The following FMN1 variants were observed in gnomAD, a reference collection of about 807,000 sequenced individuals.
FMN1 encodes the protein formin 1, also known as formin-1.
In FMN1, 110 loss-of-function variants were observed where a neutral mutation model predicts 132.4. That is an observed-to-expected ratio of 0.83 (90% CI 0.71 to 0.97). The LOEUF is 0.97. Among genes scored for constraint, FMN1 ranks in the 50% least tolerant of loss-of-function variants. The pLI is 0.00. For missense variants in FMN1, 1,792 were observed against 1,705.3 expected, an observed-to-expected ratio of 1.05 and a Z score of -0.90; for synonymous variants, 722 against 651.7, an observed-to-expected ratio of 1.11 and a Z score of -1.64.
intron 4 of FMN1, among the ~76,000 whole-genome samples, chr15:33,128,704 A>C (rs907896340): frequency 6.6e-6 from 1 of 152,182 alleles, no homozygotes; most frequent in Non-Finnish European, 1.5e-5. Flanking sequence ...AAACCCGCGG[A>C]CCCTCACGGT....
chr15:32,992,130 C>T (rs74656672), intron 7 of FMN1, among the ~76,000 whole-genome samples: 3,169 of 152,068 alleles, frequency 0.021, 108 homozygotes, highest in African/African-American at 0.073. Flanking sequence ...TTGTTTTCTC[C>T]CCTCCTTGTT....
chr15:32,768,423 C>G lies in FMN1; in HGVS notation c.*5887G>C, dbSNP rs1205371287. ...ACAATTGCTAATGTGTGCCTGAAAT[C>G]TGATTTCCTTCTTGATGTATTAAGA... On this transcript the variant is annotated 3_prime_UTR_variant, in exon 21 of 21. Coordinates refer to ENST00000616417, the MANE Select transcript of FMN1 (RefSeq NM_001277313.2). The G allele has an allele frequency of 6.6e-6, 1 of 152,222 alleles. No individual in the cohort carries two copies. Among genetic ancestry groups the G allele is most frequent in the Non-Finnish European group, 1.5e-5 (1 of 68,050 alleles). 9.4% of individuals were successfully genotyped at this position (152,222 alleles called of 1,614,324 possible). A position where few individuals can be genotyped will look rare whatever the true frequency, so the allele number is the denominator to read the frequency against.
intron 3 of FMN1, among the ~76,000 whole-genome samples, chr15:33,167,373 C>G (rs1442083112): frequency 6.6e-6 from 1 of 152,196 alleles, no homozygotes; most frequent in Admixed American, 6.5e-5. Context: ...TGTGAAGCCT[C>G]CCCAGCCGTG....
At chr15:32,791,798 T>C (rs762578252) in intron 19 of FMN1, among the ~76,000 whole-genome samples, 61 of 152,098 alleles carry the variant, frequency 4.0e-4, no homozygotes, top group Non-Finnish European at 5.9e-4. Flanking sequence ...AGTGTTGCAA[T>C]TGAAAGTTAG....
At chr15:32,996,134 C>G (rs2033756601) in intron 7 of FMN1, among the ~76,000 whole-genome samples, 1 of 152,200 alleles carries the variant, frequency 6.6e-6, no homozygotes, top group African/African-American at 2.4e-5. Flanking sequence ...GTGGCCCAGT[C>G]CCACCTAAGC....
intron 5 of FMN1, among the ~76,000 whole-genome samples, chr15:33,075,048 G>C (rs926031851): frequency 3.9e-4 from 22 of 56,558 alleles, no homozygotes; most frequent in Non-Finnish European, 7.3e-5. Context: ...AAAAAAAAAA[G>C]AACAGACCTT....
At chr15:32,905,244 G>A (rs934988405) in intron 12 of FMN1, among the ~76,000 whole-genome samples, 1 of 152,190 alleles carries the variant, frequency 6.6e-6, no homozygotes, top group African/African-American at 2.4e-5. Flanking sequence ...GTTTTTAAGA[G>A]ACTAACATTT....
chr15:33,094,071 TG>T (rs2038994017), intron 4 of FMN1, among the ~76,000 whole-genome samples: 1 of 78,766 alleles, frequency 1.3e-5, no homozygotes, highest in Non-Finnish European at 3.5e-5. Context: ...AGTCTCCAGA[TG>T]AGAATATTGA....
In FMN1 at chr15:33,121,992, A is replaced by G. The variant is rs1452904859; in HGVS notation, c.1867+31056T>C. 2.6e-5 allele frequency among the ~76,000 whole-genome samples: 4 copies of G among 152,246 alleles called. No individual in the cohort carries two copies. The East Asian group carries it at 7.7e-4, about 29-fold the overall frequency. ...CATTTACCAAAAGTGTACTGCAAGCAAACAATATGAAGAGGACACGATCTC... is the reference window on the plus strand; with the variant it reads ...CATTTACCAAAAGTGTACTGCAAGCGAACAATATGAAGAGGACACGATCTC... On this transcript the variant is annotated intron_variant, in intron 4 of 20. Coordinates refer to ENST00000616417, the MANE Select transcript of FMN1 (RefSeq NM_001277313.2).
chr15:33,159,312 T>C (rs891261695), intron 3 of FMN1, among the ~76,000 whole-genome samples: 1 of 152,162 alleles, frequency 6.6e-6, no homozygotes, highest in Non-Finnish European at 1.5e-5. Context: ...TGTGGTGCCA[T>C]TCACAAAGAT....
intron 9 of FMN1, among the ~76,000 whole-genome samples, chr15:32,936,143 T>C (rs1445782196): frequency 2.6e-5 from 4 of 152,234 alleles, no homozygotes; most frequent in Non-Finnish European, 5.9e-5. Context: ...TGTATCTTTT[T>C]CCTGAGCTCA....
At chr15:32,913,913 T>C (rs747077298) in intron 10 of FMN1, among the ~76,000 whole-genome samples, 5 of 152,100 alleles carry the variant, frequency 3.3e-5, no homozygotes, top group Non-Finnish European at 5.9e-5. Context: ...AAAGAGAACA[T>C]AGGGTCTTAA....
At chr15:33,061,080 T>A (rs902246380) in intron 6 of FMN1, among the ~76,000 whole-genome samples, 21 of 152,192 alleles carry the variant, frequency 1.4e-4, no homozygotes, top group African/African-American at 4.8e-4. Context: ...GGCTGTGGGG[T>A]GGGGTAGAGG....
chr15:32,991,920 T>C (rs1444728020), intron 7 of FMN1, among the ~76,000 whole-genome samples: 1 of 152,180 alleles, frequency 6.6e-6, no homozygotes, highest in Non-Finnish European at 1.5e-5. Flanking sequence ...GGCTCTTTTA[T>C]TACTGTGGCT....
intron 19 of FMN1, among the ~76,000 whole-genome samples, chr15:32,798,190 A>C (rs1399146877): frequency 9.3e-6 from 1 of 108,088 alleles, no homozygotes; most frequent in African/African-American, 3.8e-5. Flanking sequence ...ACACACACAC[A>C]CACACACACA....
At chr15:32,788,487 A>C (rs1416550528) in intron 19 of FMN1, among the ~76,000 whole-genome samples, 3 of 152,216 alleles carry the variant, frequency 2.0e-5, no homozygotes, top group African/African-American at 7.2e-5. Context: ...ACCAAAAACT[A>C]GCACTGAGAG....
intron 7 of FMN1, among the ~76,000 whole-genome samples, chr15:33,004,608 A>G (rs2034309025): frequency 2.6e-5 from 4 of 152,208 alleles, no homozygotes. Context: ...AACCAGTTCA[A>G]CCATTGTGGA....
chr15:32,945,577 A>G (rs891549955), intron 9 of FMN1, among the ~76,000 whole-genome samples: 7 of 152,218 alleles, frequency 4.6e-5, no homozygotes, highest in African/African-American at 1.7e-4. Flanking sequence ...TGGAAAGAAC[A>G]CATGCTAATA....
In FMN1 at chr15:32,969,046, A is replaced by T. The variant is rs1443832786; in HGVS notation, c.2655T>A (p.Leu885=). The change falls in exon 8 of 21, where the codon CTT becomes CTA. Residue 885 remains leucine, a synonymous_variant. Transcript: ENST00000616417. Reference sequence around the variant, plus strand: ...TTGGAGGTGCGGGAGACAAAGATCCAAGTCCTGAGGGGAGGGGCGGAGGGG... The same window carrying T: ...TTGGAGGTGCGGGAGACAAAGATCCTAGTCCTGAGGGGAGGGGCGGAGGGG... ...IPPPPPLPSG[L]GSLSPAPPMP... 2.0e-6 allele frequency: 3 copies of T among 1,509,610 alleles called. No homozygotes were observed. The highest frequency in any genetic ancestry group is 2.7e-6 in the Non-Finnish European group (3 of 1,114,156). The allele number at this position is 1,509,610 out of a possible 1,614,324, so 93.5% of individuals were successfully genotyped here.
Sources: gnomAD v4.1 joint callset for allele counts (sites outside exome capture counted in the v4.1 genomes callset) on GRCh38, gnomAD v4.1.1 for gene constraint, MANE v1.5 for transcripts, NCBI Gene and HGNC (gene_info 2026-07-23, HGNC 2026-07-21) for gene names.